The following MKLN1 variants were observed in gnomAD, a reference collection of about 807,000 sequenced individuals.
MKLN1 encodes the protein muskelin 1, also known as muskelin.
In MKLN1, 18 loss-of-function variants were observed where a neutral mutation model predicts 99.0. The observed-to-expected ratio is 0.18, with a 90% confidence interval of 0.13 to 0.27. The LOEUF (loss-of-function observed/expected upper bound fraction) is 0.27, where lower values mean the gene tolerates loss of function less well. Ranked by LOEUF, MKLN1 falls within the 10% of genes least tolerant of loss-of-function variation. The probability of loss-of-function intolerance (pLI) is 1.00; values close to 1 mark genes in which losing one functional copy is unlikely to be tolerated. For synonymous variants in MKLN1, 288 were observed against 293.2 expected (o/e 0.98, Z 0.18); for missense variants, 621 against 875.9 (o/e 0.71, Z 3.67).
At chr7:131,316,656 C>G (rs1391578576) in intron 3 of MKLN1, among the ~76,000 whole-genome samples, 2 of 152,112 alleles carry the variant, frequency 1.3e-5, no homozygotes, top group Non-Finnish European at 2.9e-5. Flanking sequence ...TAACAAACTC[C>G]TTTGAGCTAA....
chr7:131,118,785 C>G (rs1795317048), intron 1 of MKLN1, among the ~76,000 whole-genome samples: 1 of 152,154 alleles, frequency 6.6e-6, no homozygotes, highest in Admixed American at 6.5e-5. Flanking sequence ...TTTAAACAAG[C>G]ACATATCTTG....
chr7:131,231,119 C>CAAAAAA lies in MKLN1; in HGVS notation c.-179+28163_-179+28168dup, dbSNP rs58048470. ...TGGGTGACAGAGCAAGACTCTGTCT[C>CAAAAAA]AAAAAAAAAAAAAAAAAAAAAAAGG... On this transcript the variant is annotated intron_variant, in intron 3 of 7. Transcript: ENST00000416992. Among the ~76,000 whole-genome samples, 130 of 60,294 alleles carry CAAAAAA rather than the reference C, an allele frequency of 2.2e-3. 2 individuals carry two copies. Among genetic ancestry groups the CAAAAAA allele is most frequent in the African/African-American group, 5.7e-3 (80 of 13,948 alleles). 39.6% of individuals were successfully genotyped at this position (60,294 alleles called of 152,430 possible). A position where few individuals can be genotyped will look rare whatever the true frequency, so the allele number is the denominator to read the frequency against.
chr7:131,138,400 C>T (rs1795683663), intron 1 of MKLN1, among the ~76,000 whole-genome samples: 1 of 152,182 alleles, frequency 6.6e-6, no homozygotes, highest in South Asian at 2.1e-4. Flanking sequence ...CCAGCCGTAA[C>T]ACCTCTGAAG....
At chr7:131,362,534 T>G (rs1043066108) in intron 1 of MKLN1, among the ~76,000 whole-genome samples, 4 of 152,102 alleles carry the variant, frequency 2.6e-5, no homozygotes, top group African/African-American at 9.6e-5. Context: ...TCTTTGAGTG[T>G]GTAGATTCAA....
chr7:131,246,508 T>C (rs747828422), intron 3 of MKLN1, among the ~76,000 whole-genome samples: 2 of 152,252 alleles, frequency 1.3e-5, no homozygotes, highest in African/African-American at 2.4e-5. Flanking sequence ...ACAGAGATCT[T>C]CTTTTATGAT....
At chr7:131,342,210 A>C (rs1255653356) in intron 1 of MKLN1, among the ~76,000 whole-genome samples, 1 of 151,866 alleles carries the variant, frequency 6.6e-6, no homozygotes, top group African/African-American at 2.4e-5. Context: ...AATGCATATG[A>C]ATTGAAGCCC....
chr7:131,269,860 G>C (rs1042576701), intron 3 of MKLN1, among the ~76,000 whole-genome samples: 9 of 152,196 alleles, frequency 5.9e-5, no homozygotes, highest in African/African-American at 2.2e-4. Context: ...GTTCTGACAT[G>C]CACTTTGTGC....
chr7:131,322,093 T>G (rs1584599928), intron 3 of MKLN1, among the ~76,000 whole-genome samples: 1 of 152,272 alleles, frequency 6.6e-6, no homozygotes, highest in Non-Finnish European at 1.5e-5. Context: ...GCTACAGTGG[T>G]GAAAGCACCA....
At chr7:131,243,830 A>G (rs901547681) in intron 3 of MKLN1, among the ~76,000 whole-genome samples, 10 of 152,214 alleles carry the variant, frequency 6.6e-5, no homozygotes, top group African/African-American at 2.4e-4. Flanking sequence ...CCTGGCCAAC[A>G]TGGTGAAACC....
intron 3 of MKLN1, among the ~76,000 whole-genome samples, chr7:131,278,379 G>A (rs1798004897): frequency 6.6e-6 from 1 of 151,930 alleles, no homozygotes; most frequent in Admixed American, 6.6e-5. Flanking sequence ...TTATAATCCA[G>A]GTGATCCAAT....
chr7:131,372,272 G>C (rs1483369086), intron 1 of MKLN1, among the ~76,000 whole-genome samples: 2 of 151,828 alleles, frequency 1.3e-5, no homozygotes, highest in Non-Finnish European at 2.9e-5. Flanking sequence ...TTGTCCTGTA[G>C]TCTTTTCAAA....
intron 1 of MKLN1, among the ~76,000 whole-genome samples, chr7:131,333,924 CTACTCTGAGTTCAT>C (rs953828442): frequency 6.6e-6 from 1 of 152,094 alleles, no homozygotes; most frequent in African/African-American, 2.4e-5. Flanking sequence ...TCTGTGTAGA[CTACTCTGAGTTCAT>C]TTTGGCATTA....
intron 8 of MKLN1, among the ~76,000 whole-genome samples, chr7:131,425,361 C>G (rs748413570): frequency 6.6e-6 from 1 of 151,954 alleles, no homozygotes; most frequent in Non-Finnish European, 1.5e-5. Context: ...ACCATGAAAT[C>G]TCTTCTGAGT....
At chr7:131,327,598 T>C (rs1798920800), upstream of MKLN1, 1 of 348,730 alleles carries the variant, frequency 2.9e-6, no homozygotes, top group East Asian at 5.0e-5. Flanking sequence ...TTCGTAATCA[T>C]CTCGGCTTTT....
rs1794458487 is a variant in MKLN1, at chr7:131,399,344, A to C, written c.614A>C (p.Glu205Ala). The C allele has an allele frequency of 4.3e-6, 7 of 1,613,896 alleles. No homozygotes were observed. Among genetic ancestry groups the C allele is most frequent in the Non-Finnish European group, 5.9e-6 (7 of 1,179,920 alleles). ...CAAAAGAAAACCAAGATTGCACTGG[A>C]ACATCCCATGTTAACAGATATTCAT... ...SLQKKTKIAL[E>A]HPMLTDIHDK... Residue 205 changes from glutamate (E) to alanine (A), a missense_variant, in exon 6 of 18, where the codon GAA (glutamate) becomes GCA (alanine). Physicochemically the swap from Glu to Ala is moderately radical, Grantham distance 107 (BLOSUM62 -1). Transcript: ENST00000352689.
chr7:131,436,745 T>C (rs1795685941), intron 9 of MKLN1, among the ~76,000 whole-genome samples: 1 of 152,210 alleles, frequency 6.6e-6, no homozygotes, highest in Non-Finnish European at 1.5e-5. Flanking sequence ...GCAATTGAAG[T>C]TCTTTTTCCC....
At position 131,313,950 on chromosome 7, in the gene MKLN1, T is replaced by C. The variant is rs374506718; in HGVS notation, c.-178-61474T>C. Among the ~76,000 whole-genome samples the C allele has an allele frequency of 5.9e-4, 90 of 152,360 alleles. 1 individual carries two copies. Among genetic ancestry groups the C allele is most frequent in the Admixed American group, 2.0e-3 (31 of 15,302 alleles). The stretch of plus-strand genomic sequence containing the variant: ...GGTCCCCAAAAAGAGGGAAACTCCA[T>C]GGGACTGGGCTATGCAACACTTTCA... On this transcript the variant is annotated intron_variant, in intron 3 of 7. Coordinates refer to the MKLN1 transcript ENST00000416992.
chr7:131,472,810 G>A (rs1262769524), intron 16 of MKLN1, among the ~76,000 whole-genome samples: 1 of 152,044 alleles, frequency 6.6e-6, no homozygotes, highest in Non-Finnish European at 1.5e-5. Flanking sequence ...AATTAGCCAG[G>A]CTTGGTAGTG....
intron 3 of MKLN1, among the ~76,000 whole-genome samples, chr7:131,221,524 T>A (rs1234453250): frequency 2.9e-5 from 3 of 104,332 alleles, no homozygotes; most frequent in African/African-American, 6.4e-5. Flanking sequence ...TTTTTTTTTT[T>A]AAAGACCGAA....
Sources: allele counts gnomAD v4.1 joint callset (sites outside exome capture counted in the v4.1 genomes callset), GRCh38; gene constraint gnomAD v4.1.1; transcripts MANE v1.5; gene names NCBI Gene and HGNC (gene_info 2026-07-23, HGNC 2026-07-21).